The following SPATA22 variants were observed in gnomAD, a reference collection of about 807,000 sequenced individuals.
The protein encoded by SPATA22 is spermatogenesis associated 22, also known as spermatogenesis-associated protein 22.
In SPATA22, 29 loss-of-function variants were observed where a neutral mutation model predicts 47.8. The ratio of observed to expected loss-of-function variants is 0.61; its 90% CI spans 0.45 to 0.83. SPATA22 has a LOEUF of 0.83. Ranked by LOEUF, SPATA22 falls within the 40% of genes least tolerant of loss-of-function variation. The pLI, the probability that SPATA22 is intolerant of heterozygous loss-of-function variation, is 0.00. For synonymous variants in SPATA22, 133 were observed against 140.9 expected, an observed-to-expected ratio of 0.94 and a Z score of 0.40; for missense variants, 410 against 421.7, an observed-to-expected ratio of 0.97 and a Z score of 0.24.
At position 3,448,791 on chromosome 17, in the gene SPATA22, G is replaced by A. The variant is rs1287564454; in HGVS notation, c.672+16C>T. On this transcript the variant is annotated intron_variant, in intron 6 of 8. Transcript: ENST00000572969. ...AAAAATGTAAATAAGTCATTAATTT[G>A]TATTTAAACATTTACCTTCAGGGTG... 7.8e-6 allele frequency: 12 copies of A among 1,533,462 alleles called. No homozygotes were observed. Among genetic ancestry groups the A allele is most frequent in the Admixed American group, 2.0e-5 (1 of 50,404 alleles). The allele number at this position is 1,533,462 out of a possible 1,614,324, so 95.0% of individuals were successfully genotyped here. A position where few individuals can be genotyped will look rare whatever the true frequency, so the allele number is the denominator to read the frequency against.
chr17:3,464,853 T>C (rs1336717630), intron 3 of SPATA22, among the ~76,000 whole-genome samples: 12 of 95,478 alleles, frequency 1.3e-4, no homozygotes, highest in Non-Finnish European at 2.5e-4. Flanking sequence ...GTGAGGAGCG[T>C]CTCCGCCCGG....
chr17:3,466,641 TC>T (rs1323248278), intron 3 of SPATA22, among the ~76,000 whole-genome samples: 6 of 152,230 alleles, frequency 3.9e-5, no homozygotes, highest in Non-Finnish European at 8.8e-5. Flanking sequence ...TGTGTCTTAG[TC>T]CCTTTGGACT....
intron 1 of SPATA22, among the ~76,000 whole-genome samples, chr17:3,477,685 C>T (rs2073550964): frequency 6.6e-6 from 1 of 152,018 alleles, no homozygotes; most frequent in Non-Finnish European, 1.5e-5. Context: ...AACTCCTGGC[C>T]TCAGGTGATC....
In SPATA22 at chr17:3,462,750, C is replaced by A; in HGVS notation, c.190G>T (p.Val64Leu). 1 of 1,612,946 alleles carries A rather than the reference C, an allele frequency of 6.2e-7. No homozygotes were observed. Among genetic ancestry groups the A allele is most frequent in the African/African-American group, 1.3e-5 (1 of 75,032 alleles). The change falls in exon 4 of 9, where the codon GTG becomes TTG. Residue 64 changes from valine (V) to leucine (L), a missense_variant. Coordinates refer to ENST00000572969, the MANE Select transcript of SPATA22 (RefSeq NM_001170698.2). ...PLPTDWAWEAVNPELAPVMKT... is the reference protein window; with the variant it reads ...PLPTDWAWEALNPELAPVMKT... ...ATTACAGGAGCCAACTCTGGATTCA[C>A]AGCTTCCCAGGCCCAATCTCAAAAG...
chr17:3,456,740 A>G (rs548261243), intron 5 of SPATA22, among the ~76,000 whole-genome samples: 4 of 151,888 alleles, frequency 2.6e-5, no homozygotes, highest in African/African-American at 9.7e-5. Flanking sequence ...GCAGAGACAC[A>G]ACAAAAAAAG....
At chr17:3,495,102 A>T (rs1189748974) in intron 1 of SPATA22, among the ~76,000 whole-genome samples, 1 of 152,090 alleles carries the variant, frequency 6.6e-6, no homozygotes, top group Non-Finnish European at 1.5e-5. Context: ...GAAAAAAAAA[A>T]GGCTCTTGAG....
intron 5 of SPATA22, among the ~76,000 whole-genome samples, chr17:3,461,357 G>A (rs1363644131): frequency 6.6e-6 from 1 of 152,168 alleles, no homozygotes; most frequent in East Asian, 1.9e-4. Flanking sequence ...TAAATGTTCT[G>A]TACTCCTGGA....
chr17:3,489,317 T>G lies in SPATA22; in HGVS notation c.-73-19919A>C, dbSNP rs1373623731. ...TGAGAAAAATGATTAAACATGCTCT[T>G]GATTTTATACATCATTTCAATGAAG... On this transcript the variant is annotated intron_variant, in intron 1 of 8. Coordinates refer to the SPATA22 transcript ENST00000541913. The G allele has an allele frequency of 1.9e-6, 3 of 1,611,454 alleles. No homozygotes were observed. The highest frequency in any genetic ancestry group is 2.5e-6 in the Non-Finnish European group (3 of 1,177,838).
At chr17:3,507,497 G>C (rs1221534233) in intron 1 of SPATA22, among the ~76,000 whole-genome samples, 1 of 152,106 alleles carries the variant, frequency 6.6e-6, no homozygotes, top group Non-Finnish European at 1.5e-5. Flanking sequence ...TACATTTTTT[G>C]AGTTGGACTG....
At chr17:3,456,550 T>C (rs1277256446) in intron 5 of SPATA22, among the ~76,000 whole-genome samples, 2 of 152,196 alleles carry the variant, frequency 1.3e-5, no homozygotes, top group East Asian at 1.9e-4. Context: ...ATTGAGGCAA[T>C]AATCAATAGC....
At chr17:3,467,306 T>A in intron 3 of SPATA22, 120 bp downstream of exon 3, 1 of 810,628 alleles carries the variant, frequency 1.2e-6, no homozygotes, top group Non-Finnish European at 1.8e-6. Context: ...GTAATTTCTA[T>A]ATGTGGATAA....
At chr17:3,461,829 T>C (rs2073132122) in intron 5 of SPATA22, among the ~76,000 whole-genome samples, 1 of 152,224 alleles carries the variant, frequency 6.6e-6, no homozygotes, top group Non-Finnish European at 1.5e-5. Flanking sequence ...TTCCCAGCAC[T>C]TTGTTTCCAA....
chr17:3,485,826 G>C lies in SPATA22; in HGVS notation c.-73-16428C>G, dbSNP rs555498079. On this transcript the variant is annotated intron_variant, in intron 1 of 8. Transcript: ENST00000541913. This position sits in a 1 kb window ranked among gnomAD's most constrained non-coding sequence, Gnocchi z 4.4. ...TAGATTATTGACAGTAGTAATAGCAGAGTGTCAGCATTTCTGCACCATTAC... is the reference window on the plus strand; with the variant it reads ...TAGATTATTGACAGTAGTAATAGCACAGTGTCAGCATTTCTGCACCATTAC... 6.6e-6 allele frequency among the ~76,000 whole-genome samples: 1 copy of C among 152,284 alleles called. No homozygotes were observed. Among genetic ancestry groups the C allele is most frequent in the Admixed American group, 6.5e-5 (1 of 15,294 alleles).
intron 1 of SPATA22, among the ~76,000 whole-genome samples, chr17:3,484,658 G>T (rs2073688837): frequency 6.6e-6 from 1 of 152,180 alleles, no homozygotes; most frequent in Non-Finnish European, 1.5e-5. Context: ...ATTTAAAAAT[G>T]GATTTCTAGA....
chr17:3,493,885 A>G (rs1229839217), intron 1 of SPATA22, among the ~76,000 whole-genome samples: 5 of 152,142 alleles, frequency 3.3e-5, no homozygotes, highest in African/African-American at 9.7e-5. Flanking sequence ...GAGTGCTGAT[A>G]GGAATCATTC....
chr17:3,465,254 G>A (rs1453902422), intron 3 of SPATA22, among the ~76,000 whole-genome samples: 13 of 144,628 alleles, frequency 9.0e-5, no homozygotes, highest in South Asian at 2.3e-4. Flanking sequence ...CCCTCTGCCC[G>A]GCCACCACCC....
intron 5 of SPATA22, among the ~76,000 whole-genome samples, chr17:3,460,284 C>T (rs1395082787): frequency 6.6e-6 from 1 of 151,974 alleles, no homozygotes; most frequent in Non-Finnish European, 1.5e-5. Flanking sequence ...GGTGAAATGG[C>T]TTTTTTCTGT....
intron 5 of SPATA22, among the ~76,000 whole-genome samples, chr17:3,459,442 G>T (rs904319028): frequency 9.9e-5 from 15 of 152,068 alleles, no homozygotes; most frequent in Non-Finnish European, 7.4e-5. Context: ...ATCTCACTTT[G>T]TCACCCAGGC....
At chr17:3,448,233 C>T (rs2150700779) in intron 6 of SPATA22, among the ~76,000 whole-genome samples, 1 of 152,270 alleles carries the variant, frequency 6.6e-6, no homozygotes, top group South Asian at 2.1e-4. Flanking sequence ...AAGCAAAGGT[C>T]ATAATAAGTT....
Sources: gnomAD v4.1 joint callset for allele counts (sites outside exome capture counted in the v4.1 genomes callset) on GRCh38, gnomAD v4.1.1 for gene constraint, Gnocchi (gnomAD v3.1) non-coding constraint, MANE v1.5 for transcripts, NCBI Gene and HGNC (gene_info 2026-07-23, HGNC 2026-07-21) for gene names.